The following SNX29 variants were observed in gnomAD, a reference collection of about 807,000 sequenced individuals.
SNX29 encodes sorting nexin 29.
In SNX29, 78 loss-of-function variants were observed where a neutral mutation model predicts 102.1. The ratio of observed to expected loss-of-function variants is 0.76; its 90% confidence interval spans 0.64 to 0.92. The LOEUF is 0.92. SNX29 is among the 40% of genes least tolerant of loss of function. The probability of loss-of-function intolerance (pLI) is 0.00; values close to 1 mark genes in which losing one functional copy is unlikely to be tolerated. For synonymous variants in SNX29, 580 were observed against 414.5 expected (o/e 1.40, Z -4.85); for missense variants, 1,280 against 1,061.7 (o/e 1.21, Z -2.86).
At chr16:12,460,327 T>C (rs2086726026) in intron 18 of SNX29, among the ~76,000 whole-genome samples, 1 of 152,268 alleles carries the variant, frequency 6.6e-6, no homozygotes, top group South Asian at 2.1e-4. Context: ...TTGAGTGCCT[T>C]GCTTGTTCAA....
chr16:12,415,545 G>T (rs1338593357), intron 18 of SNX29, among the ~76,000 whole-genome samples: 1 of 152,148 alleles, frequency 6.6e-6, no homozygotes, highest in Non-Finnish European at 1.5e-5. Flanking sequence ...AGTTCTCCTC[G>T]CAGGCAGGTT....
chr16:12,413,214 T>C (rs1423886448), intron 18 of SNX29, among the ~76,000 whole-genome samples: 1 of 152,124 alleles, frequency 6.6e-6, no homozygotes, highest in Non-Finnish European at 1.5e-5. Flanking sequence ...GAAATAATCA[T>C]TACAAGTGTG....
intron 3 of SNX29, among the ~76,000 whole-genome samples, chr16:12,009,435 AT>A (rs1477526166): frequency 6.7e-6 from 1 of 149,662 alleles, no homozygotes; most frequent in Admixed American, 6.7e-5. Context: ...GTATATATAT[AT>A]TTTTATATGT....
intron 18 of SNX29, among the ~76,000 whole-genome samples, chr16:12,428,078 T>A (rs2085156638): frequency 6.6e-6 from 1 of 152,228 alleles, no homozygotes; most frequent in South Asian, 2.1e-4. Context: ...CAATACACAC[T>A]GTTGAATATT....
intron 1 of SNX29, among the ~76,000 whole-genome samples, chr16:11,986,544 T>C (rs2055635279): frequency 6.6e-6 from 1 of 152,226 alleles, no homozygotes. Flanking sequence ...ATAATTGCAT[T>C]GTATCTCCGT....
intron 15 of SNX29, among the ~76,000 whole-genome samples, chr16:12,313,384 T>A (rs1053373626): frequency 1.2e-4 from 18 of 152,182 alleles, no homozygotes; most frequent in Admixed American, 9.2e-4. Flanking sequence ...GCCTACACCC[T>A]GAGTTGTAGA....
At chr16:12,526,843 C>A in intron 20 of SNX29, 1 of 403,048 alleles carries the variant, frequency 2.5e-6, no homozygotes, top group Non-Finnish European at 4.7e-6. Context: ...CATTCGCGTG[C>A]CGAATTGTAA....
intron 14 of SNX29, among the ~76,000 whole-genome samples, chr16:12,226,154 A>G (rs992057811): frequency 2.6e-5 from 4 of 152,190 alleles, no homozygotes; most frequent in African/African-American, 7.2e-5. Flanking sequence ...CATTCTGGAG[A>G]TCTGAAAAGT....
At chr16:12,344,400 AAT>A (rs2081715278) in intron 15 of SNX29, among the ~76,000 whole-genome samples, 1 of 152,152 alleles carries the variant, frequency 6.6e-6, no homozygotes, top group Admixed American at 6.5e-5. Flanking sequence ...CCATTTCCTC[AAT>A]CTGTAGATGG....
At chr16:12,432,479 G>T (rs993733036) in intron 18 of SNX29, among the ~76,000 whole-genome samples, 1 of 152,216 alleles carries the variant, frequency 6.6e-6, no homozygotes, top group Non-Finnish European at 1.5e-5. Context: ...ATCTTCTGGA[G>T]AAAAGGTGGC....
intron 11 of SNX29, among the ~76,000 whole-genome samples, chr16:12,106,262 C>T (rs377360414): frequency 1.2e-4 from 19 of 152,134 alleles, no homozygotes; most frequent in African/African-American, 4.6e-4. Context: ...GTCAGGCGGG[C>T]TGTTGTCTGG....
chr16:12,505,596 C>T (rs375260720), intron 19 of SNX29, among the ~76,000 whole-genome samples: 8 of 152,048 alleles, frequency 5.3e-5, no homozygotes, highest in African/African-American at 1.9e-4. Flanking sequence ...GAAGCAGATT[C>T]GCATAGTTAG....
At chr16:12,448,043 T>C (rs1186434271) in intron 18 of SNX29, among the ~76,000 whole-genome samples, 1 of 152,194 alleles carries the variant, frequency 6.6e-6, no homozygotes, top group Non-Finnish European at 1.5e-5. Flanking sequence ...GGGATTGTGC[T>C]GATTGTGGAT....
chr16:12,133,785 A>G lies in SNX29; in HGVS notation c.1595+4027A>G, dbSNP rs551128517. The stretch of plus-strand genomic sequence containing the variant: ...CATCAAAAGTTCTATTTTAACAGCG[A>G]TAGTGCAGAAAGAATTAGGAGCTAG... On this transcript the variant is annotated intron_variant, in intron 13 of 20. Coordinates refer to ENST00000566228, the MANE Select transcript of SNX29 (RefSeq NM_032167.5). Among the ~76,000 whole-genome samples, 98 of 152,346 alleles carry G rather than the reference A, an allele frequency of 6.4e-4. 1 individual carries two copies. The highest frequency in any genetic ancestry group is 2.9e-4 in the African/African-American group (12 of 41,582).
At chr16:12,039,412 G>A (rs1246234979) in intron 4 of SNX29, among the ~76,000 whole-genome samples, 1 of 152,152 alleles carries the variant, frequency 6.6e-6, no homozygotes, top group Non-Finnish European at 1.5e-5. Flanking sequence ...CTGCTAGACT[G>A]GAAGCCCCTT....
Position 12,405,422 on chromosome 16 carries a change from T to C in SNX29, c.2037+1893T>C, listed in dbSNP as rs544997031. Among the ~76,000 whole-genome samples the C allele has an allele frequency of 9.8e-5, 15 of 152,302 alleles. No homozygotes were observed. The East Asian group carries it at 2.7e-3, about 27-fold the overall frequency. On this transcript the variant is annotated intron_variant, in intron 18 of 20. Coordinates refer to ENST00000566228, the MANE Select transcript of SNX29 (RefSeq NM_032167.5). ...CGTCCTTTACGGTGTGAAGCTCTCA[T>C]GGGTTCAGCCCTGCTTCCAGCCAGC...
At chr16:12,237,225 A>C (rs1288990715) in intron 14 of SNX29, among the ~76,000 whole-genome samples, 1 of 152,172 alleles carries the variant, frequency 6.6e-6, no homozygotes, top group Non-Finnish European at 1.5e-5. Flanking sequence ...AGCATAAAAC[A>C]GAAAAAGGGA....
Position 12,419,571 on chromosome 16 carries a change from C to T in SNX29, c.2037+16042C>T, listed in dbSNP as rs964085632. Among the ~76,000 whole-genome samples the T allele has an allele frequency of 4.6e-5, 7 of 151,884 alleles. No individual in the cohort carries two copies. In the East Asian group the frequency reaches 1.2e-3, roughly 25 times the overall value. ...AGTGTCATCAGACTCAGCCCCCCCC[C>T]CCATCTTTCTGTCGATTTGCGTTGC... On this transcript the variant is annotated intron_variant, in intron 18 of 20. Coordinates refer to ENST00000566228, the MANE Select transcript of SNX29 (RefSeq NM_032167.5).
chr16:12,296,749 C>G (rs2079994308), intron 15 of SNX29, among the ~76,000 whole-genome samples: 1 of 152,146 alleles, frequency 6.6e-6, no homozygotes, highest in Non-Finnish European at 1.5e-5. Context: ...CAGTCATGGG[C>G]CAGGCAATAG....
Sources: gnomAD v4.1 joint callset for allele counts (sites outside exome capture counted in the v4.1 genomes callset) on GRCh38, gnomAD v4.1.1 for gene constraint, MANE v1.5 for transcripts, NCBI Gene and HGNC (gene_info 2026-07-23, HGNC 2026-07-21) for gene names.